Variants in IL1RAPL1 observed in about 807,000 individuals in gnomAD.
IL1RAPL1 encodes interleukin-1 receptor accessory protein-like 1.
In IL1RAPL1, 3 loss-of-function variants were observed where a neutral mutation model predicts 48.4. That is an observed-to-expected ratio of 0.06 (90% CI 0.03 to 0.16). IL1RAPL1 has a LOEUF of 0.16. IL1RAPL1 is among the 10% of genes least tolerant of loss of function. IL1RAPL1 has a pLI of 1.00. For missense variants in IL1RAPL1, 349 were observed against 530.6 expected (o/e 0.66, Z 3.36); for synonymous variants, 185 against 187.7 (o/e 0.99, Z 0.12).
intron 1 of IL1RAPL1, among the ~76,000 whole-genome samples, chrX:28,690,143 A>G (rs1349471048): frequency 9.0e-6 from 1 of 111,245 alleles, no homozygotes; most frequent in African/African-American, 3.3e-5. Flanking sequence ...AGATTATTTC[A>G]TCTCCTTCTT....
chrX:29,084,070 G>A (rs781592551), intron 2 of IL1RAPL1, among the ~76,000 whole-genome samples: 39 of 111,658 alleles, frequency 3.5e-4, no homozygotes, highest in Non-Finnish European at 4.7e-4. Context: ...GCCTTTGACA[G>A]GCTTGCATCT....
chrX:29,895,220 C>T (rs962287014), intron 6 of IL1RAPL1, among the ~76,000 whole-genome samples: 1 of 111,482 alleles, frequency 9.0e-6, no homozygotes, highest in African/African-American at 3.3e-5. Flanking sequence ...AAGTCTTGTT[C>T]ACTGAAGAGT....
At chrX:28,610,552 G>T (rs752053849) in intron 1 of IL1RAPL1, among the ~76,000 whole-genome samples, 26 of 112,535 alleles carry the variant, frequency 2.3e-4, no homozygotes, top group Middle Eastern at 4.6e-3. Flanking sequence ...TACATGGAAA[G>T]TATATCGGTA....
At chrX:29,552,802 C>CTT (rs765234944) in intron 5 of IL1RAPL1, among the ~76,000 whole-genome samples, 1,007 of 22,952 alleles carry the variant, frequency 0.044, 43 homozygotes, top group Middle Eastern at 0.11. Flanking sequence ...TTTCACTCTC[C>CTT]TTTTTTTTTT....
rs560138433 is a variant in IL1RAPL1 at position 29,763,010 on chromosome X, C to G, written c.778+94506C>G. Among the ~76,000 whole-genome samples, 80 of 109,484 alleles carry G rather than the reference C, an allele frequency of 7.3e-4. No homozygotes were observed. In the South Asian group the frequency reaches 0.031, roughly 42 times the overall value. On this transcript the variant is annotated intron_variant, in intron 6 of 10. Coordinates refer to ENST00000378993, the MANE Select transcript of IL1RAPL1 (RefSeq NM_014271.4). ...ATAACCTGTTTGTCATTGCTCAGAG[C>G]TTCAAGACCATACTCTAAAGTGATA...
intron 5 of IL1RAPL1, among the ~76,000 whole-genome samples, chrX:29,656,384 T>G (rs1925679639): frequency 9.0e-6 from 1 of 111,319 alleles, no homozygotes; most frequent in African/African-American, 3.3e-5. Context: ...CAGTGTATAC[T>G]GAACCCAATG....
chrX:29,087,907 C>T (rs1252455847), intron 2 of IL1RAPL1, among the ~76,000 whole-genome samples: 1 of 111,668 alleles, frequency 9.0e-6, no homozygotes, highest in Non-Finnish European at 1.9e-5. Context: ...TAGCATGTGC[C>T]TGTAGCCCCA....
intron 1 of IL1RAPL1, among the ~76,000 whole-genome samples, chrX:28,628,688 C>T (rs186313637): frequency 1.8e-5 from 2 of 111,956 alleles, no homozygotes; most frequent in African/African-American, 6.5e-5. Flanking sequence ...AAAGCAACTC[C>T]AAGTCAAATG....
intron 2 of IL1RAPL1, among the ~76,000 whole-genome samples, chrX:29,198,266 G>A (rs1337565180): frequency 2.7e-5 from 3 of 109,596 alleles, no homozygotes; most frequent in Non-Finnish European, 5.7e-5. Context: ...GCTAGATTTG[G>A]CAAAAAAGAT....
chrX:28,737,177 CCTTT>C (rs1346110547), intron 1 of IL1RAPL1, among the ~76,000 whole-genome samples: 4 of 72,472 alleles, frequency 5.5e-5, no homozygotes, highest in South Asian at 7.9e-4. Flanking sequence ...TTCCTTCCTT[CCTTT>C]CTTTCCTTTC....
At chrX:29,459,059 A>G (rs1173702722) in intron 5 of IL1RAPL1, among the ~76,000 whole-genome samples, 4 of 111,898 alleles carry the variant, frequency 3.6e-5, no homozygotes, top group Admixed American at 9.5e-5. Flanking sequence ...CGTGTGGTCC[A>G]TAGTTTGCCA....
intron 2 of IL1RAPL1, among the ~76,000 whole-genome samples, chrX:29,001,532 G>T (rs2147388311): frequency 9.0e-6 from 1 of 111,570 alleles, no homozygotes; most frequent in African/African-American, 3.3e-5. Flanking sequence ...AAAAAATGGT[G>T]GTCTTTGTAG....
At chrX:29,500,627 TATA>T (rs1380277058) in intron 5 of IL1RAPL1, among the ~76,000 whole-genome samples, 1 of 112,455 alleles carries the variant, frequency 8.9e-6, no homozygotes, top group African/African-American at 3.2e-5. Context: ...AATAATATTA[TATA>T]ATATGTACAC....
At chrX:29,509,825 T>C (rs1437647627) in intron 5 of IL1RAPL1, among the ~76,000 whole-genome samples, 1 of 112,509 alleles carries the variant, frequency 8.9e-6, no homozygotes, top group Non-Finnish European at 1.9e-5. Flanking sequence ...AGGTTAATTT[T>C]CCTTTTGGAA....
chrX:29,319,160 G>GTCTATCTATCTATCTA (rs200758095), intron 3 of IL1RAPL1, among the ~76,000 whole-genome samples: 134 of 84,983 alleles, frequency 1.6e-3, no homozygotes, highest in East Asian at 4.1e-3. Context: ...CTATCTGTCT[G>GTCTATCTATCTATCTA]TCTATCTATC....
chrX:28,916,564 A>G (rs927990586), intron 2 of IL1RAPL1, among the ~76,000 whole-genome samples: 2 of 112,382 alleles, frequency 1.8e-5, no homozygotes, highest in African/African-American at 6.5e-5. Context: ...CTGTGCTAGA[A>G]TTGTGTGTTT....
At chrX:29,686,810 G>A (rs1193345810) in intron 6 of IL1RAPL1, among the ~76,000 whole-genome samples, 1 of 109,808 alleles carries the variant, frequency 9.1e-6, no homozygotes, top group Non-Finnish European at 1.9e-5. Context: ...CGTCCACCTC[G>A]GCCTCCCAAA....
intron 3 of IL1RAPL1, among the ~76,000 whole-genome samples, chrX:29,381,525 A>AAAAAAAAAAAC (rs1569298983): frequency 4.2e-5 from 4 of 95,912 alleles, no homozygotes; most frequent in Admixed American, 1.2e-4. Context: ...AAAAAAAAAA[A>AAAAAAAAAAAC]AAAACTTAGC....
intron 2 of IL1RAPL1, among the ~76,000 whole-genome samples, chrX:29,176,490 G>A (rs1930026393): frequency 9.1e-6 from 1 of 110,374 alleles, no homozygotes; most frequent in Non-Finnish European, 1.9e-5. Flanking sequence ...AACAAAAAAA[G>A]CAACTTCAAA....
Sources: gnomAD v4.1 joint callset for allele counts (sites outside exome capture counted in the v4.1 genomes callset) on GRCh38, gnomAD v4.1.1 for gene constraint, MANE v1.5 for transcripts, NCBI Gene and HGNC (gene_info 2026-07-23, HGNC 2026-07-21) for gene names.